AR: variants seen among roughly 807,000 people sequenced by gnomAD.
AR encodes androgen receptor, also known as dihydrotestosterone receptor.
In AR, 8 loss-of-function variants were observed where a neutral mutation model predicts 53.9. The observed-to-expected ratio is 0.15, with a 90% CI of 0.09 to 0.27. The LOEUF (loss-of-function observed/expected upper bound fraction) is 0.27. Among genes scored for constraint, AR ranks in the 10% least tolerant of loss-of-function variants. The pLI, the probability that AR is intolerant of heterozygous loss-of-function variation, is 1.00. For missense variants in AR, 639 were observed against 742.5 expected, an observed-to-expected ratio of 0.86 and a Z score of 1.62; for synonymous variants, 359 against 316.4, an observed-to-expected ratio of 1.13 and a Z score of -1.43.
chrX:67,674,518 A>AT (rs1275210749), intron 2 of AR, among the ~76,000 whole-genome samples: 4 of 110,393 alleles, frequency 3.6e-5, no homozygotes, highest in Non-Finnish European at 5.7e-5. Context: ...TAAGACAAAG[A>AT]TTTTTTCCAC....
At chrX:67,707,501 C>T (rs2076073852) in intron 3 of AR, among the ~76,000 whole-genome samples, 1 of 111,608 alleles carries the variant, frequency 9.0e-6, no homozygotes, top group South Asian at 3.8e-4. Context: ...GGTAGATCTT[C>T]CTCCATCCCT....
chrX:67,710,227 G>C (rs2076088279), intron 3 of AR, among the ~76,000 whole-genome samples: 1 of 111,953 alleles, frequency 8.9e-6, no homozygotes, highest in South Asian at 3.8e-4. Context: ...CAATCGGCTA[G>C]ACATGCTAGA....
chrX:67,698,937 G>A (rs779439881), intron 3 of AR, among the ~76,000 whole-genome samples: 2 of 111,703 alleles, frequency 1.8e-5, no homozygotes, highest in East Asian at 5.7e-4. Flanking sequence ...AGTGTCCTAA[G>A]AGACAGGTAG....
intron 3 of AR, among the ~76,000 whole-genome samples, chrX:67,704,080 A>G (rs1036235406): frequency 8.9e-6 from 1 of 111,957 alleles, no homozygotes; most frequent in Non-Finnish European, 1.9e-5. Flanking sequence ...AGGCTTTGCT[A>G]TTGTGAATAG....
intron 2 of AR, among the ~76,000 whole-genome samples, chrX:67,673,738 G>A (rs2075881445): frequency 9.1e-6 from 1 of 110,256 alleles, no homozygotes; most frequent in African/African-American, 3.3e-5. Context: ...CAACTATTTT[G>A]AATTATCTGT....
chrX:67,676,742 G>A (rs1360187323), intron 2 of AR, among the ~76,000 whole-genome samples: 1 of 111,854 alleles, frequency 8.9e-6, no homozygotes, highest in African/African-American at 3.2e-5. Flanking sequence ...ACTTGAGGAA[G>A]AGAGGTGATA....
At chrX:67,551,011 T>TG (rs1929977302) in intron 1 of AR, among the ~76,000 whole-genome samples, 1 of 103,690 alleles carries the variant, frequency 9.6e-6, no homozygotes, top group Non-Finnish European at 2.0e-5. Context: ...GTTTTTTTTT[T>TG]TTTTTTTTTT....
rs2076119140 is a variant in AR, at chrX:67,717,635, G to C, written c.2318+13G>C. ...TGGTTTTCAATGAGTAAGTGCTCCT[G>C]GGGCCCAGACCTCACTAAAATACAG... is the stretch of plus-strand genomic sequence containing the variant. On this transcript the variant is annotated intron_variant, in intron 5 of 7. Coordinates refer to ENST00000374690, the MANE Select transcript of AR (RefSeq NM_000044.6). The C allele has an allele frequency of 8.3e-7, 1 of 1,210,609 alleles. No individual in the cohort carries two copies. The highest frequency in any genetic ancestry group is 1.1e-6 in the Non-Finnish European group (1 of 895,236).
At chrX:67,707,180 T>C (rs112354552) in intron 3 of AR, among the ~76,000 whole-genome samples, 214 of 111,920 alleles carry the variant, frequency 1.9e-3, no homozygotes, top group African/African-American at 6.4e-3. Flanking sequence ...GGTACAGAGC[T>C]GAGTTCAATT....
At chrX:67,695,369 G>A (rs2076015001) in intron 3 of AR, 1 of 751,828 alleles carries the variant, frequency 1.3e-6, no homozygotes, top group African/African-American at 2.3e-5. Context: ...TTCTCCAGGA[G>A]AAGAAGCCAG....
rs1569317028 is a variant in AR at position 67,725,390 on chromosome X, G to A, written c.*1549G>A. 2 of 174,246 alleles carry A rather than the reference G, an allele frequency of 1.1e-5. No individual in the cohort carries two copies. 14.4% of individuals were successfully genotyped at this position (174,246 alleles called of 1,213,427 possible). The stretch of plus-strand genomic sequence containing the variant: ...AGAGATGATACCCTCCCAGCAAGTG[G>A]AGAAGTTCTCACTTCCTTCTTTAGA... On this transcript the variant is annotated 3_prime_UTR_variant, in exon 8 of 8. Coordinates refer to ENST00000374690, the MANE Select transcript of AR (RefSeq NM_000044.6).
chrX:67,612,646 G>A (rs1252355187), intron 1 of AR, among the ~76,000 whole-genome samples: 1 of 112,228 alleles, frequency 8.9e-6, no homozygotes, highest in Non-Finnish European at 1.9e-5. Flanking sequence ...CAAGGATCTG[G>A]TGGACCCTCT....
At chrX:67,720,974 G>T (rs2147534374) in intron 5 of AR, among the ~76,000 whole-genome samples, 1 of 111,514 alleles carries the variant, frequency 9.0e-6, no homozygotes, top group East Asian at 2.8e-4. Flanking sequence ...TCTCTTAGAG[G>T]TATGCCATGG....
intron 1 of AR, among the ~76,000 whole-genome samples, chrX:67,605,689 A>G (rs1408701718): frequency 8.9e-6 from 1 of 112,229 alleles, no homozygotes; most frequent in African/African-American, 3.2e-5. Flanking sequence ...TGTCCCTAAA[A>G]AAAGCAGTTT....
rs777465143 is a variant in AR, at chrX:67,722,998, G to A, written c.2607+14G>A. On this transcript the variant is annotated intron_variant, in intron 7 of 7. Coordinates refer to ENST00000374690, the MANE Select transcript of AR (RefSeq NM_000044.6). ...TCCGTGCAGCCTGTAAGCAAACGAT[G>A]GAGGGTGCTTTATCAGGGAGAACAG... is the stretch of plus-strand genomic sequence containing the variant. The A allele has an allele frequency of 8.3e-7, 1 of 1,208,605 alleles. No individual in the cohort carries two copies. Among genetic ancestry groups the A allele is most frequent in the African/African-American group, 1.8e-5 (1 of 56,996 alleles).
intron 4 of AR, among the ~76,000 whole-genome samples, chrX:67,712,933 C>T (rs924829683): frequency 8.9e-6 from 1 of 112,023 alleles, no homozygotes; most frequent in Non-Finnish European, 1.9e-5. Context: ...ACATGAGATT[C>T]TTTCTCTTAT....
chrX:67,677,533 G>T (rs1031737600), intron 2 of AR, among the ~76,000 whole-genome samples: 4 of 111,890 alleles, frequency 3.6e-5, no homozygotes, highest in African/African-American at 1.3e-4. Flanking sequence ...TAACACAATG[G>T]AAAGCTTGCA....
chrX:67,690,378 C>G (rs1353409303), intron 3 of AR, among the ~76,000 whole-genome samples: 1 of 111,808 alleles, frequency 8.9e-6, no homozygotes, highest in African/African-American at 3.2e-5. Context: ...AACATCCTTG[C>G]AGTTTCCATT....
intron 5 of AR, among the ~76,000 whole-genome samples, chrX:67,718,386 T>C (rs1287212055): frequency 9.0e-6 from 1 of 111,706 alleles, no homozygotes; most frequent in Non-Finnish European, 1.9e-5. Flanking sequence ...GGCCAGTGGC[T>C]CAGATTTTGG....
Sources: allele counts gnomAD v4.1 joint callset (sites outside exome capture counted in the v4.1 genomes callset), GRCh38; gene constraint gnomAD v4.1.1; transcripts MANE v1.5; gene names NCBI Gene and HGNC (gene_info 2026-07-23, HGNC 2026-07-21).